Variants in DST observed in about 807,000 individuals in gnomAD.
DST encodes the protein dystonin.
Under a neutral mutation model 875.2 loss-of-function variants are expected in DST, and 253 were observed. That is an observed-to-expected ratio of 0.29 (90% CI 0.26 to 0.32). The LOEUF (loss-of-function observed/expected upper bound fraction) is 0.32. DST is among the 10% of genes least tolerant of loss of function. The pLI is 1.00. For synonymous variants in DST, 3,124 were observed against 3,197.1 expected (o/e 0.98, Z 0.77); for missense variants, 8,287 against 9,111.6 (o/e 0.91, Z 3.68).
intron 4 of DST, among the ~76,000 whole-genome samples, chr6:56,800,573 T>C (rs2099745485): frequency 6.6e-6 from 1 of 152,276 alleles, no homozygotes; most frequent in Admixed American, 6.5e-5. Context: ...TGCCTCTCTC[T>C]AGAACAGAAA....
At chr6:56,845,357 G>GA (rs1204371750) in intron 4 of DST, among the ~76,000 whole-genome samples, 1 of 151,894 alleles carries the variant, frequency 6.6e-6, no homozygotes. Context: ...CCTCTTGAAA[G>GA]AAAAAATTGT....
chr6:56,871,300 A>G, intron 3 of DST: 1 of 801,670 alleles, frequency 1.2e-6, no homozygotes, highest in Non-Finnish European at 2.3e-6. Context: ...CAGGACACCA[A>G]GGGTATGCAT....
chr6:56,574,256 T>C (rs1050193439), intron 50 of DST, among the ~76,000 whole-genome samples: 2 of 152,166 alleles, frequency 1.3e-5, no homozygotes, highest in African/African-American at 4.8e-5. Flanking sequence ...ACATTAGCCA[T>C]ACTTATTGAA....
chr6:56,607,362 T>A lies in DST; in HGVS notation c.7266A>T (p.Thr2422=), dbSNP rs766470035. 6.2e-7 allele frequency: 1 copy of A among 1,613,058 alleles called. No homozygotes were observed. Among genetic ancestry groups the A allele is most frequent in the East Asian group, 2.2e-5 (1 of 44,854 alleles). ...GVNETENEDN[T]NRDSPIFDYS... is the part of the protein sequence containing the mutation. ...AGTCAAAGATAGGTGAATCCCTGTT[T>A]GTATTATCTTCATTCTCTGTTTCAT... Residue 2422 remains threonine (T), a synonymous_variant, in exon 40 of 104, where the codon ACA becomes ACT. Coordinates refer to ENST00000680361, the MANE Select transcript of DST (RefSeq NM_001374736.1).
chr6:56,894,640 G>A (rs1402733205), intron 3 of DST, among the ~76,000 whole-genome samples: 6 of 48,146 alleles, frequency 1.2e-4, no homozygotes, highest in Non-Finnish European at 2.2e-4. Flanking sequence ...CGGACGGGGC[G>A]GCTGGCCAGG....
intron 5 of DST, among the ~76,000 whole-genome samples, chr6:56,727,168 G>T (rs954289964): frequency 1.2e-4 from 19 of 152,156 alleles, no homozygotes; most frequent in African/African-American, 4.6e-4. Context: ...GAACTCAAAA[G>T]AATGCAATCA....
chr6:56,916,416 A>G (rs139937039), intron 2 of DST, among the ~76,000 whole-genome samples: 1 of 152,286 alleles, frequency 6.6e-6, no homozygotes, highest in Non-Finnish European at 1.5e-5. Flanking sequence ...CTGGTTGTTA[A>G]ATATTTTGAG....
Position 56,619,401 on chromosome 6 carries a change from T to C in DST, c.4930-4917A>G, listed in dbSNP as rs758417159. ...TCATTATTTTCTTTTTCAGCTTTGA[T>C]ATTTTGAAGCAACTGCTCATGGCTT... On this transcript the variant is annotated intron_variant, in intron 36 of 103. Coordinates refer to ENST00000680361, the MANE Select transcript of DST (RefSeq NM_001374736.1). 10 of 1,613,234 alleles carry C rather than the reference T, an allele frequency of 6.2e-6. No individual in the cohort carries two copies. The African/African-American group carries it at 8.0e-5, about 13-fold the overall frequency.
chr6:56,608,503 C>T lies in DST; in HGVS notation c.6125G>A (p.Arg2042His), dbSNP rs770942742. The T allele has an allele frequency of 2.8e-5, 45 of 1,613,472 alleles. 1 individual carries two copies. The highest frequency in any genetic ancestry group is 8.8e-5 in the South Asian group (8 of 91,068). The change falls in exon 40 of 104, where the codon CGT (arginine) becomes CAT (histidine). Residue 2042 changes from arginine to histidine, a missense_variant. By Grantham distance (29) the Arg-to-His change is conservative (BLOSUM62 0). Coordinates refer to ENST00000680361, the MANE Select transcript of DST (RefSeq NM_001374736.1). ...CTGTACTGCTTCGTCTACAGTTAAA[C>T]GCTTGGCAGGGTTTGACTGGATGAT... is the stretch of plus-strand genomic sequence containing the variant. ...GGIIQSNPAKRLTVDEAVQCD... is the reference protein window; with the variant it reads ...GGIIQSNPAKHLTVDEAVQCD...
At chr6:56,555,871 T>A in intron 59 of DST, 31 bp from the exon 60 acceptor site, 1 of 1,441,880 alleles carries the variant, frequency 6.9e-7, no homozygotes, top group Non-Finnish European at 9.1e-7. Context: ...AAACGCAAAT[T>A]ATTATATAAT....
chr6:56,769,038 T>A (rs1244545008), intron 4 of DST, among the ~76,000 whole-genome samples: 2 of 152,014 alleles, frequency 1.3e-5, no homozygotes, highest in Non-Finnish European at 2.9e-5. Context: ...TATTTGCAAA[T>A]CACATATATG....
intron 2 of DST, among the ~76,000 whole-genome samples, chr6:56,950,359 T>A (rs187972828): frequency 6.6e-6 from 1 of 152,294 alleles, no homozygotes; most frequent in Admixed American, 6.5e-5. Context: ...GGCATTATAA[T>A]AGTCTCCATT....
At chr6:56,666,911 T>C (rs1297062290) in intron 10 of DST, among the ~76,000 whole-genome samples, 1 of 151,758 alleles carries the variant, frequency 6.6e-6, no homozygotes, top group East Asian at 1.9e-4. Flanking sequence ...GGACCCTTTT[T>C]AGTCTAAAGC....
intron 4 of DST, among the ~76,000 whole-genome samples, chr6:56,832,427 C>T (rs974004161): frequency 1.4e-4 from 22 of 152,160 alleles, no homozygotes; most frequent in African/African-American, 1.7e-4. Flanking sequence ...CTGCTGCCAT[C>T]CATGTAAGAC....
chr6:56,752,020 G>A (rs896137892), intron 4 of DST, among the ~76,000 whole-genome samples: 3 of 151,822 alleles, frequency 2.0e-5, no homozygotes, highest in African/African-American at 7.3e-5. Context: ...ATGAAGCTTA[G>A]ATTTCCATGC....
intron 4 of DST, among the ~76,000 whole-genome samples, chr6:56,846,767 G>A (rs1353819305): frequency 6.6e-6 from 1 of 152,124 alleles, no homozygotes; most frequent in Non-Finnish European, 1.5e-5. Context: ...ACTTTGGGAG[G>A]CCAAGGTGGG....
intron 72 of DST, 56 bp from the exon 73 acceptor site, chr6:56,511,456 C>T (rs2096473657): frequency 1.4e-6 from 2 of 1,419,622 alleles, no homozygotes; most frequent in South Asian, 1.2e-5. Context: ...CATATTACAG[C>T]TGTCTACACC....
chr6:56,692,496 A>C (rs2099237335), intron 9 of DST: 1 of 1,289,426 alleles, frequency 7.8e-7, no homozygotes, highest in Non-Finnish European at 1.0e-6. Flanking sequence ...AAAATCTCTC[A>C]GTGTTTTGCT....
In DST at chr6:56,812,364, G is replaced by C. The variant is rs74995662; in HGVS notation, c.625+39033C>G. ...AGAAGTGAAAGAAATGTCTTAATCA[G>C]GTCATAACTCATTCTAATTAAGATG... is the stretch of plus-strand genomic sequence containing the variant. On this transcript the variant is annotated intron_variant, in intron 4 of 103. Transcript: ENST00000680361. Among the ~76,000 whole-genome samples, 1,310 of 152,060 alleles carry C rather than the reference G, an allele frequency of 8.6e-3. 24 individuals are homozygous for C. The highest frequency in any genetic ancestry group is 0.03 in the African/African-American group (1,264 of 41,480).
Sources: gnomAD v4.1 joint callset for allele counts (sites outside exome capture counted in the v4.1 genomes callset) on GRCh38, gnomAD v4.1.1 for gene constraint, MANE v1.5 for transcripts, NCBI Gene and HGNC (gene_info 2026-07-23, HGNC 2026-07-21) for gene names.